Variants in PCDH15 observed in about 807,000 individuals in gnomAD.
PCDH15 encodes protocadherin related 15, also known as protocadherin-15.
Under a neutral mutation model 178.5 loss-of-function variants are expected in PCDH15, and 129 were observed. The ratio of observed to expected loss-of-function variants is 0.72; its 90% CI spans 0.63 to 0.84. The LOEUF is 0.84. Among genes scored for constraint, PCDH15 ranks in the 40% least tolerant of loss-of-function variants. The pLI, the probability that PCDH15 is intolerant of heterozygous loss-of-function variation, is 0.00. For missense variants in PCDH15, 2,230 were observed against 2,099.9 expected (o/e 1.06, Z -1.21); for synonymous variants, 800 against 732.0 (o/e 1.09, Z -1.50).
At chr10:54,894,778 C>G (rs914408446) in intron 3 of PCDH15, among the ~76,000 whole-genome samples, 1 of 152,138 alleles carries the variant, frequency 6.6e-6, no homozygotes, top group African/African-American at 2.4e-5. Context: ...AAAGCAGGCA[C>G]CTTCTGCTTC....
At chr10:54,470,027 G>A (rs535655078) in intron 3 of PCDH15, among the ~76,000 whole-genome samples, 1 of 152,264 alleles carries the variant, frequency 6.6e-6, no homozygotes, top group African/African-American at 2.4e-5. Context: ...GTGCACTCAG[G>A]AGGGTAGAGC....
chr10:55,262,479 G>C (rs2132236589), intron 1 of PCDH15, among the ~76,000 whole-genome samples: 1 of 152,316 alleles, frequency 6.6e-6, no homozygotes, highest in African/African-American at 2.4e-5. Context: ...TGGATGCTGA[G>C]AGGAACACAT....
Position 55,211,139 on chromosome 10 carries a change from G to C in PCDH15, c.-155-44488C>G, listed in dbSNP as rs181007285. The stretch of plus-strand genomic sequence containing the variant: ...TCAAGGTAATGAAGATGTGATGAAG[G>C]CAGTGGTAACAAGAATGAGACCAAA... On this transcript the variant is annotated intron_variant, in intron 1 of 5. Coordinates refer to the PCDH15 transcript ENST00000458638. Among the ~76,000 whole-genome samples the C allele has an allele frequency of 2.5e-3, 374 of 152,204 alleles. 2 individuals carry two copies. The highest frequency in any genetic ancestry group is 4.2e-3 in the Non-Finnish European group (285 of 68,024).
chr10:54,350,485 TTCATGATTTGTTCAAATG>T (rs1441374449), intron 5 of PCDH15, among the ~76,000 whole-genome samples: 1 of 152,168 alleles, frequency 6.6e-6, no homozygotes, highest in African/African-American at 2.4e-5. Context: ...CTGCTCAAAT[TTCATGATTTGTTCAAATG>T]GTAGACCTGT....
chr10:55,196,654 A>G (rs541626544), intron 1 of PCDH15, among the ~76,000 whole-genome samples: 1 of 152,244 alleles, frequency 6.6e-6, no homozygotes, highest in Non-Finnish European at 1.5e-5. Flanking sequence ...TATTAAAAGT[A>G]TTAAAGTAAA....
At chr10:54,994,043 G>A (rs1316210719) in intron 2 of PCDH15, among the ~76,000 whole-genome samples, 1 of 152,086 alleles carries the variant, frequency 6.6e-6, no homozygotes, top group African/African-American at 2.4e-5. Flanking sequence ...AAGAAGCAAA[G>A]TTTTAAACCC....
At chr10:55,470,392 T>C (rs1839931218) in intron 2 of PCDH15, among the ~76,000 whole-genome samples, 1 of 152,116 alleles carries the variant, frequency 6.6e-6, no homozygotes, top group Non-Finnish European at 1.5e-5. Flanking sequence ...ACCCATTTAT[T>C]AAATAGTTCA....
intron 3 of PCDH15, among the ~76,000 whole-genome samples, chr10:54,402,631 T>C (rs1338590289): frequency 6.6e-6 from 1 of 152,030 alleles, no homozygotes; most frequent in Non-Finnish European, 1.5e-5. Context: ...ATGCAATATT[T>C]CAAATTTTTT....
intron 2 of PCDH15, among the ~76,000 whole-genome samples, chr10:55,581,203 A>C (rs1008440805): frequency 6.6e-6 from 1 of 152,152 alleles, no homozygotes; most frequent in African/African-American, 2.4e-5. Context: ...TTAAATGTTT[A>C]GTTTATGACT....
intron 3 of PCDH15, among the ~76,000 whole-genome samples, chr10:54,877,598 T>A (rs1954169317): frequency 6.6e-6 from 1 of 152,148 alleles, no homozygotes; most frequent in African/African-American, 2.4e-5. Flanking sequence ...AAATAACATA[T>A]TAGTACTTAT....
intron 2 of PCDH15, among the ~76,000 whole-genome samples, chr10:55,518,019 G>C (rs1382935631): frequency 1.3e-5 from 2 of 152,108 alleles, no homozygotes; most frequent in African/African-American, 4.8e-5. Flanking sequence ...TGAAGGCTGA[G>C]AGACAGGGGC....
At chr10:54,878,949 C>T (rs1367076869) in intron 3 of PCDH15, among the ~76,000 whole-genome samples, 2 of 152,106 alleles carry the variant, frequency 1.3e-5, no homozygotes, top group Non-Finnish European at 2.9e-5. Context: ...ATTTATAATG[C>T]TTCGCCGAAT....
At chr10:55,268,036 C>T (rs1301461707) in intron 1 of PCDH15, among the ~76,000 whole-genome samples, 2 of 152,136 alleles carry the variant, frequency 1.3e-5, no homozygotes, top group Non-Finnish European at 2.9e-5. Flanking sequence ...GTATTGTTGT[C>T]GTGCACTGAA....
At chr10:54,773,835 CTAAAGAAAAAAAATCTA>C (rs1011848261) in intron 1 of PCDH15, among the ~76,000 whole-genome samples, 9 of 151,492 alleles carry the variant, frequency 5.9e-5, no homozygotes, top group Admixed American at 4.0e-4. Flanking sequence ...CAAAAATAAC[CTAAAGAAAAAAAATCTA>C]GGAGCATCAT....
At chr10:54,345,441 A>G (rs796624387) in intron 6 of PCDH15, among the ~76,000 whole-genome samples, 2 of 152,170 alleles carry the variant, frequency 1.3e-5, no homozygotes, top group South Asian at 2.1e-4. Flanking sequence ...TTATTTAAGT[A>G]GTGCATTTAT....
chr10:55,422,516 T>C (rs1172422273), intron 2 of PCDH15, among the ~76,000 whole-genome samples: 1 of 151,824 alleles, frequency 6.6e-6, no homozygotes, highest in Non-Finnish European at 1.5e-5. Context: ...GGATATAAAT[T>C]GTAGGTTAAA....
chr10:54,763,796 A>G (rs12415633), intron 1 of PCDH15, among the ~76,000 whole-genome samples: 22,330 of 148,254 alleles, frequency 0.15, 1,981 homozygotes, highest in East Asian at 0.24. Flanking sequence ...ATAAATATGT[A>G]CAACTCTTAT....
intron 8 of PCDH15, among the ~76,000 whole-genome samples, chr10:54,283,164 C>G (rs1591575802): frequency 6.6e-6 from 1 of 152,220 alleles, no homozygotes; most frequent in East Asian, 1.9e-4. Flanking sequence ...AAGGCCACAG[C>G]TCCATTCCAT....
intron 8 of PCDH15, among the ~76,000 whole-genome samples, chr10:54,303,315 A>T (rs1176787695): frequency 6.6e-6 from 1 of 152,114 alleles, no homozygotes; most frequent in Non-Finnish European, 1.5e-5. Context: ...ATTGCAAAAA[A>T]TATGAGTTTA....
Sources: allele counts gnomAD v4.1 joint callset (sites outside exome capture counted in the v4.1 genomes callset), GRCh38; gene constraint gnomAD v4.1.1; transcripts MANE v1.5; gene names NCBI Gene and HGNC (gene_info 2026-07-23, HGNC 2026-07-21).